The following ADRA1A variants were observed in gnomAD, a reference collection of about 807,000 sequenced individuals.
ADRA1A encodes adrenoceptor alpha 1A.
Under a neutral mutation model 29.6 loss-of-function variants are expected in ADRA1A, and 31 were observed. The observed-to-expected ratio is 1.05, with a 90% CI of 0.79 to 1.41. The LOEUF (loss-of-function observed/expected upper bound fraction) is 1.41, where lower values mean the gene tolerates loss of function less well. Ranked by LOEUF, ADRA1A falls within the 40% of genes most tolerant of loss-of-function variation. ADRA1A has a pLI of 0.00. For synonymous variants in ADRA1A, 311 were observed against 254.3 expected (o/e 1.22, Z -2.12); for missense variants, 619 against 601.1 (o/e 1.03, Z -0.31).
intron 2 of ADRA1A, chr8:26,779,223 C>T: frequency 1.5e-6 from 1 of 681,030 alleles, no homozygotes; most frequent in Non-Finnish European, 2.7e-6. Context: ...TTAACAGTTC[C>T]TGCCAGAAGA....
intron 2 of ADRA1A, among the ~76,000 whole-genome samples, chr8:26,771,418 T>A (rs1038301008): frequency 2.6e-5 from 3 of 117,608 alleles, no homozygotes; most frequent in Non-Finnish European, 5.4e-5. Context: ...TCATTGATCA[T>A]TTTTTTTGTC....
At chr8:26,767,222 A>G (rs148978338), downstream of ADRA1A, among the ~76,000 whole-genome samples, 64 of 152,344 alleles carry the variant, frequency 4.2e-4, no homozygotes, top group African/African-American at 1.4e-3. Context: ...CAAAGCAACT[A>G]CTTTTTATAA....
At chr8:26,833,243 C>A (rs1195793544) in intron 2 of ADRA1A, among the ~76,000 whole-genome samples, 1 of 152,142 alleles carries the variant, frequency 6.6e-6, no homozygotes, top group Non-Finnish European at 1.5e-5. Flanking sequence ...ACAGCAGTGA[C>A]ACTGGCCGGA....
At position 26,865,642 on chromosome 8, in the gene ADRA1A, T is replaced by C; in HGVS notation, c.-673A>G. 1.0e-6 allele frequency: 1 copy of C among 986,166 alleles called. No homozygotes were observed. The highest frequency in any genetic ancestry group is 1.2e-6 in the Non-Finnish European group (1 of 830,622). 61.1% of individuals were successfully genotyped at this position (986,166 alleles called of 1,614,324 possible). ...GACCCAGGAGGCTGCGGGGCATCGT[T>C]TGACCGCGTCCACCTGAAAGAGCGC... On this transcript the variant is annotated 5_prime_UTR_variant, in exon 2 of 3. Coordinates refer to ENST00000380573, the MANE Select transcript of ADRA1A (RefSeq NM_000680.4). The surrounding 1 kb of genome is among the most constrained non-coding windows in gnomAD (Gnocchi z 7.6).
chr8:26,800,315 C>T (rs532455691), intron 2 of ADRA1A, among the ~76,000 whole-genome samples: 1 of 151,998 alleles, frequency 6.6e-6, no homozygotes, highest in South Asian at 2.1e-4. Flanking sequence ...GCATTAAAGA[C>T]AGACTAATAG....
rs1810483781 is a variant in ADRA1A, at chr8:26,825,403, G to A, written c.883+38684C>T. The stretch of plus-strand genomic sequence containing the variant: ...GACAAAAAATGGGGAGGGTGGGTAG[G>A]GAGGAAGATGGAGTTTCTTTGTTTT... On this transcript the variant is annotated intron_variant, in intron 2 of 2. Coordinates refer to ENST00000380573, the MANE Select transcript of ADRA1A (RefSeq NM_000680.4). The surrounding 1 kb of genome is among the most constrained non-coding windows in gnomAD (Gnocchi z 5.7). 6.6e-6 allele frequency among the ~76,000 whole-genome samples: 1 copy of A among 152,042 alleles called. No individual in the cohort carries two copies. Among genetic ancestry groups the A allele is most frequent in the Admixed American group, 6.6e-5 (1 of 15,266 alleles).
In ADRA1A at chr8:26,848,816, A is replaced by G. The variant is rs1464488889; in HGVS notation, c.883+15271T>C. Among the ~76,000 whole-genome samples the G allele has an allele frequency of 3.3e-5, 5 of 152,164 alleles. No homozygotes were observed. Among genetic ancestry groups the G allele is most frequent in the African/African-American group, 1.2e-4 (5 of 41,440 alleles). ...TACTGAACTGTGTAGGGATTCTGTTACTGTCTCACTGCACAGTTGTCTTCC... is the reference window on the plus strand; with the variant it reads ...TACTGAACTGTGTAGGGATTCTGTTGCTGTCTCACTGCACAGTTGTCTTCC... On this transcript the variant is annotated intron_variant, in intron 2 of 2. Transcript: ENST00000380573. The surrounding 1 kb of genome is among the most constrained non-coding windows in gnomAD (Gnocchi z 4.3).
At chr8:26,761,113 T>C (rs985798117), downstream of ADRA1A, among the ~76,000 whole-genome samples, 1 of 152,254 alleles carries the variant, frequency 6.6e-6, no homozygotes, top group Non-Finnish European at 1.5e-5. Context: ...ACAGAACTTA[T>C]ATAAGTACAG....
In ADRA1A at chr8:26,823,219, A is replaced by G. The variant is rs1285718653; in HGVS notation, c.883+40868T>C. On this transcript the variant is annotated intron_variant, in intron 2 of 2. Transcript: ENST00000380573. This position sits in a 1 kb window ranked among gnomAD's most constrained non-coding sequence, Gnocchi z 4.2. The stretch of plus-strand genomic sequence containing the variant: ...CAAAATATGTGGCTAGCCTTTCTGC[A>G]AAGTGTGCTCTTGTCTGTGACACAT... 6.6e-6 allele frequency among the ~76,000 whole-genome samples: 1 copy of G among 152,202 alleles called. No individual in the cohort carries two copies. Among genetic ancestry groups the G allele is most frequent in the Non-Finnish European group, 1.5e-5 (1 of 68,032 alleles).
rs1807481218 is a variant in ADRA1A at position 26,787,435 on chromosome 8, CTT to C, written c.884-16771_884-16770del. On this transcript the variant is annotated intron_variant, in intron 2 of 2. Coordinates refer to ENST00000380573, the MANE Select transcript of ADRA1A (RefSeq NM_000680.4). This position sits in a 1 kb window ranked among gnomAD's most constrained non-coding sequence, Gnocchi z 4.2. ...ACATACTATATTCTGTCTGAAAAGA[CTT>C]TGACAAAATGCAACTAATAAAGTAC... is the stretch of plus-strand genomic sequence containing the variant. 1.3e-5 allele frequency among the ~76,000 whole-genome samples: 2 copies of C among 152,118 alleles called. No homozygotes were observed. The highest frequency in any genetic ancestry group is 2.9e-5 in the Non-Finnish European group (2 of 68,008).
Position 26,815,687 on chromosome 8 carries a change from A to G in ADRA1A, c.884-45021T>C, listed in dbSNP as rs939307197. ...GAGAAAGGTCTCTGTTGAGTACTGA[A>G]CAAGAATAAAAATAAAGCATACCAA... On this transcript the variant is annotated intron_variant, in intron 2 of 2. Transcript: ENST00000380573. The surrounding 1 kb of genome is among the most constrained non-coding windows in gnomAD (Gnocchi z 4.2). Among the ~76,000 whole-genome samples, 5 of 152,208 alleles carry G rather than the reference A, an allele frequency of 3.3e-5. No individual in the cohort carries two copies. Among genetic ancestry groups the G allele is most frequent in the Admixed American group, 2.6e-4 (4 of 15,286 alleles).
At chr8:26,753,292 A>G (rs908679449), downstream of ADRA1A, among the ~76,000 whole-genome samples, 4 of 151,906 alleles carry the variant, frequency 2.6e-5, no homozygotes, top group South Asian at 2.1e-4. Context: ...CAACATTACC[A>G]TGTGCCTGAC....
At chr8:26,843,986 A>C (rs1199918068) in intron 2 of ADRA1A, among the ~76,000 whole-genome samples, 1 of 152,234 alleles carries the variant, frequency 6.6e-6, no homozygotes, top group Non-Finnish European at 1.5e-5. Flanking sequence ...TTTAAAAATC[A>C]TGGGAGTTTT....
At chr8:26,797,387 C>G (rs994501876) in intron 2 of ADRA1A, among the ~76,000 whole-genome samples, 6 of 152,116 alleles carry the variant, frequency 3.9e-5, no homozygotes, top group Non-Finnish European at 2.9e-5. Context: ...GCCTTCAACT[C>G]CTGGGCTTAA....
chr8:26,827,061 C>T (rs1305880744), intron 2 of ADRA1A, among the ~76,000 whole-genome samples: 1 of 152,182 alleles, frequency 6.6e-6, no homozygotes, highest in Non-Finnish European at 1.5e-5. Context: ...AACTGAATCT[C>T]CCTCATGGTA....
chr8:26,865,255 C>A lies in ADRA1A; in HGVS notation c.-286G>T, dbSNP rs887336871. 7 of 1,278,734 alleles carry A rather than the reference C, an allele frequency of 5.5e-6. No individual in the cohort carries two copies. In the African/African-American group the frequency reaches 9.0e-5, roughly 17 times the overall value. The allele number at this position is 1,278,734 out of a possible 1,614,324, so 79.2% of individuals were successfully genotyped here. A position where few individuals can be genotyped will look rare whatever the true frequency, so the allele number is the denominator to read the frequency against. On this transcript the variant is annotated 5_prime_UTR_variant, in exon 2 of 3. Coordinates refer to ENST00000380573, the MANE Select transcript of ADRA1A (RefSeq NM_000680.4). The surrounding 1 kb of genome is among the most constrained non-coding windows in gnomAD (Gnocchi z 7.6). ...CTGCCGGGCTGGCCTAGCCCGGGACCCGGACTCCCTCCCTACCCGAAGCTG... is the reference window on the plus strand; with the variant it reads ...CTGCCGGGCTGGCCTAGCCCGGGACACGGACTCCCTCCCTACCCGAAGCTG...
At position 26,848,750 on chromosome 8, in the gene ADRA1A, A is replaced by G. The variant is rs1018419306; in HGVS notation, c.883+15337T>C. 6.6e-6 allele frequency among the ~76,000 whole-genome samples: 1 copy of G among 152,196 alleles called. No homozygotes were observed. Among genetic ancestry groups the G allele is most frequent in the African/African-American group, 2.4e-5 (1 of 41,460 alleles). ...AGTCATTAAACTCTACACGTTTCAC[A>G]CAATCCTCTTGTGATCACAGCCACA... On this transcript the variant is annotated intron_variant, in intron 2 of 2. Coordinates refer to ENST00000380573, the MANE Select transcript of ADRA1A (RefSeq NM_000680.4). This position sits in a 1 kb window ranked among gnomAD's most constrained non-coding sequence, Gnocchi z 4.3.
intron 2 of ADRA1A, among the ~76,000 whole-genome samples, chr8:26,824,769 C>T (rs1201345233): frequency 1.3e-5 from 2 of 152,172 alleles, no homozygotes; most frequent in African/African-American, 4.8e-5. Flanking sequence ...TGGCCAATTA[C>T]CATAGCATCA....
In ADRA1A at chr8:26,843,084, C is replaced by T. The variant is rs1811947381; in HGVS notation, c.883+21003G>A. 2.0e-5 allele frequency among the ~76,000 whole-genome samples: 3 copies of T among 152,192 alleles called. No homozygotes were observed. The South Asian group carries it at 6.2e-4, about 32-fold the overall frequency. On this transcript the variant is annotated intron_variant, in intron 2 of 2. Coordinates refer to ENST00000380573, the MANE Select transcript of ADRA1A (RefSeq NM_000680.4). ...ATTAAGACCTGCCTGGCATATCTCC[C>T]CTCTGGATTCCTAGACCATTTATAA...
Sources: allele counts gnomAD v4.1 joint callset (sites outside exome capture counted in the v4.1 genomes callset), GRCh38; gene constraint gnomAD v4.1.1; non-coding constraint Gnocchi (gnomAD v3.1); transcripts MANE v1.5; gene names NCBI Gene and HGNC (gene_info 2026-07-23, HGNC 2026-07-21).